The following GRAP2 variants were observed in gnomAD, a reference collection of about 807,000 sequenced individuals.
The protein encoded by GRAP2 is GRB2-related adapter protein 2.
GRAP2 carries 31 observed loss-of-function variants against 43.5 expected under a neutral mutation model. The observed-to-expected ratio is 0.71, with a 90% CI of 0.54 to 0.96. GRAP2 has a LOEUF of 0.96. Ranked by LOEUF, GRAP2 falls within the 40% of genes least tolerant of loss-of-function variation. The pLI, the probability that GRAP2 is intolerant of heterozygous loss-of-function variation, is 0.00. For synonymous variants in GRAP2, 156 were observed against 164.8 expected, an observed-to-expected ratio of 0.95 and a Z score of 0.41; for missense variants, 371 against 424.4, an observed-to-expected ratio of 0.87 and a Z score of 1.11.
At chr22:39,932,100 G>C (rs749057796) in intron 1 of GRAP2, among the ~76,000 whole-genome samples, 4 of 152,172 alleles carry the variant, frequency 2.6e-5, no homozygotes, top group Non-Finnish European at 5.9e-5. Flanking sequence ...AAGAAATCTT[G>C]TGGGACAGGC....
At chr22:39,948,062 C>T (rs1168052593) in intron 2 of GRAP2, 2 of 152,034 alleles carry the variant, frequency 1.3e-5, no homozygotes, top group Admixed American at 1.3e-4. Flanking sequence ...GGACGCCCAG[C>T]AACACTGAGG....
chr22:39,952,964 A>T (rs532485500), intron 2 of GRAP2, among the ~76,000 whole-genome samples: 47 of 152,308 alleles, frequency 3.1e-4, no homozygotes, highest in Admixed American at 9.8e-4. Context: ...TCACATATCT[A>T]GTGATGGAGC....
At chr22:39,908,989 C>T (rs1047918487) in intron 1 of GRAP2, among the ~76,000 whole-genome samples, 14 of 152,172 alleles carry the variant, frequency 9.2e-5, no homozygotes, top group African/African-American at 3.4e-4. Context: ...TGTGCCTCAT[C>T]GACTCCTCTG....
intron 1 of GRAP2, among the ~76,000 whole-genome samples, chr22:39,905,541 G>T (rs187234468): frequency 1.3e-5 from 2 of 152,222 alleles, no homozygotes; most frequent in South Asian, 4.2e-4. Flanking sequence ...TGCCTATCTC[G>T]TGGGATTGTT....
At chr22:39,903,819 C>T (rs551945541) in intron 1 of GRAP2, among the ~76,000 whole-genome samples, 1 of 152,108 alleles carries the variant, frequency 6.6e-6, no homozygotes, top group Non-Finnish European at 1.5e-5. Context: ...AAGCATGGTC[C>T]TGTTTAACAA....
intron 6 of GRAP2, 132 bp downstream of exon 6, chr22:39,968,404 T>C (rs975613901): frequency 3.1e-6 from 3 of 973,902 alleles, no homozygotes; most frequent in Admixed American, 2.4e-5. Context: ...ATGGCAGAAA[T>C]AGGGAAACTG....
intron 1 of GRAP2, among the ~76,000 whole-genome samples, chr22:39,925,591 C>T (rs915824036): frequency 4.6e-5 from 7 of 152,206 alleles, no homozygotes; most frequent in Non-Finnish European, 1.0e-4. Context: ...ACGGATTCAG[C>T]ATGTGGCCTC....
intron 2 of GRAP2, among the ~76,000 whole-genome samples, chr22:39,949,147 C>A (rs2066955587): frequency 6.6e-6 from 1 of 152,140 alleles, no homozygotes; most frequent in Non-Finnish European, 1.5e-5. Context: ...CACTCAAACC[C>A]CCATGCCCAT....
intron 1 of GRAP2, among the ~76,000 whole-genome samples, chr22:39,905,708 A>G (rs1327650895): frequency 2.0e-5 from 3 of 152,072 alleles, no homozygotes; most frequent in Admixed American, 6.5e-5. Context: ...TTTTTTCACA[A>G]TGAGGAAACT....
At chr22:39,909,620 G>A (rs928605622) in intron 1 of GRAP2, among the ~76,000 whole-genome samples, 1 of 151,920 alleles carries the variant, frequency 6.6e-6, no homozygotes, top group African/African-American at 2.4e-5. Context: ...AACACTTTGG[G>A]AAATAAAAGC....
intron 1 of GRAP2, among the ~76,000 whole-genome samples, chr22:39,908,994 CCT>C (rs1454728553): frequency 6.6e-6 from 1 of 152,112 alleles, no homozygotes; most frequent in Non-Finnish European, 1.5e-5. Context: ...CTCATCGACT[CCT>C]CTGTCCTCGA....
intron 2 of GRAP2, among the ~76,000 whole-genome samples, chr22:39,953,723 C>G (rs118189873): frequency 6.6e-6 from 1 of 152,252 alleles, no homozygotes; most frequent in Non-Finnish European, 1.5e-5. Context: ...CCTCCTCCCG[C>G]TTCAGCCTCC....
chr22:39,952,344 C>T (rs1043112756), intron 2 of GRAP2, among the ~76,000 whole-genome samples: 4 of 152,078 alleles, frequency 2.6e-5, no homozygotes, highest in Admixed American at 6.6e-5. Context: ...GTGGTTCTTA[C>T]GGTGACAAGG....
intron 1 of GRAP2, among the ~76,000 whole-genome samples, chr22:39,906,932 C>T (rs2066527394): frequency 6.6e-6 from 1 of 152,102 alleles, no homozygotes; most frequent in African/African-American, 2.4e-5. Context: ...GGTGGAAAGC[C>T]TGGCTGACTT....
intron 2 of GRAP2, among the ~76,000 whole-genome samples, chr22:39,953,823 A>T (rs1397379762): frequency 6.6e-6 from 1 of 152,210 alleles, no homozygotes; most frequent in Non-Finnish European, 1.5e-5. Flanking sequence ...TTTGTTGCCC[A>T]GGCTGGTCTC....
rs761329164 is a variant in GRAP2 at position 39,968,098 on chromosome 22, G to A, written c.516G>A (p.Gly172=). ...CCCAGGGAGGCCCACACCTCAGTGG[G>A]GCTGTGGGAGAAGAAATCCGACCTT... ...RRSQGGPHLS[G]AVGEEIRPSM... The change falls in exon 6 of 8, where the codon GGG becomes GGA. Residue 172 remains glycine, a synonymous_variant. Transcript: ENST00000344138. 1.9e-5 allele frequency: 31 copies of A among 1,611,560 alleles called. No individual in the cohort carries two copies. The Middle Eastern group carries it at 4.9e-4, about 26-fold the overall frequency.
chr22:39,966,974 G>A (rs2067180894), intron 5 of GRAP2, among the ~76,000 whole-genome samples: 1 of 132,530 alleles, frequency 7.5e-6, no homozygotes, highest in Admixed American at 7.5e-5. Flanking sequence ...CCTCCCATAA[G>A]TAAATTCACA....
chr22:39,903,475 C>CTT (rs773691306), intron 1 of GRAP2, among the ~76,000 whole-genome samples: 1,973 of 112,008 alleles, frequency 0.018, 90 homozygotes, highest in Middle Eastern at 0.034. Context: ...CCTCATGAGT[C>CTT]TTTTTTTTTT....
intron 1 of GRAP2, among the ~76,000 whole-genome samples, chr22:39,938,596 C>T (rs2066831667): frequency 1.3e-5 from 2 of 152,210 alleles, no homozygotes; most frequent in African/African-American, 4.8e-5. Flanking sequence ...GGTAAAGCCA[C>T]CCTCACAGAA....
Sources: gnomAD v4.1 joint callset for allele counts (sites outside exome capture counted in the v4.1 genomes callset) on GRCh38, gnomAD v4.1.1 for gene constraint, MANE v1.5 for transcripts, NCBI Gene and HGNC (gene_info 2026-07-23, HGNC 2026-07-21) for gene names.